The following TRPM1 variants were observed in gnomAD, a reference collection of about 807,000 sequenced individuals.
The protein encoded by TRPM1 is TRPM1-203 APA Isoform, Intron 10.
A neutral mutation model predicts 149.4 loss-of-function variants in TRPM1; 113 were observed. The observed-to-expected ratio is 0.76, with a 90% CI of 0.65 to 0.88. The LOEUF is 0.88. Among genes scored for constraint, TRPM1 ranks in the 40% least tolerant of loss-of-function variants. The pLI, the probability that TRPM1 is intolerant of heterozygous loss-of-function variation, is 0.00. For synonymous variants in TRPM1, 741 were observed against 759.5 expected (o/e 0.98, Z 0.40); for missense variants, 1,976 against 2,038.7 (o/e 0.97, Z 0.59).
Position 31,035,660 on chromosome 15 carries a change from G to A in TRPM1, c.2586C>T (p.Gly862=). The A allele has an allele frequency of 6.2e-7, 1 of 1,614,182 alleles. No individual in the cohort carries two copies. The highest frequency in any genetic ancestry group is 8.5e-7 in the Non-Finnish European group (1 of 1,180,032). Residue 862 remains glycine (G), a synonymous_variant, in exon 21 of 28, where the codon GGC becomes GGT. Transcript: ENST00000256552. ...KFWFYTISYL[G]YLLLFNYVIL... is the part of the protein sequence containing the mutation. ...TGACGTAGTTAAACAGCAGCAGGTA[G>A]CCCAAGTATGATATCTGAAAGAAAG...
chr15:31,060,265 T>C (rs1245231601), intron 11 of TRPM1: 3 of 521,004 alleles, frequency 5.8e-6, no homozygotes, highest in Non-Finnish European at 1.0e-5. Flanking sequence ...TTATTTCTTC[T>C]TCTTTTTCTT....
chr15:31,144,677 A>G (rs1322342606), intron 1 of TRPM1, among the ~76,000 whole-genome samples: 4 of 150,066 alleles, frequency 2.7e-5, no homozygotes, highest in East Asian at 2.0e-4. Flanking sequence ...TAATACACCT[A>G]TTATAAAACT....
chr15:31,054,421 A>T lies in TRPM1; in HGVS notation c.1264-3839T>A, dbSNP rs2034030908. Reference sequence around the variant, plus strand: ...GCAATTCTCCTGCCTCAGCCTCCTAAGTAGCTGGGATTACAGGCATGCAAC... The same window carrying T: ...GCAATTCTCCTGCCTCAGCCTCCTATGTAGCTGGGATTACAGGCATGCAAC... On this transcript the variant is annotated intron_variant, in intron 11 of 27. Coordinates refer to ENST00000256552, the MANE Select transcript of TRPM1 (RefSeq NM_001252024.2). 2.0e-5 allele frequency among the ~76,000 whole-genome samples: 3 copies of T among 151,880 alleles called. No individual in the cohort carries two copies. In the South Asian group the frequency reaches 6.2e-4, roughly 32 times the overall value.
intron 1 of TRPM1, among the ~76,000 whole-genome samples, chr15:31,122,003 T>G (rs116340851): frequency 0.011 from 1,722 of 152,314 alleles, 40 homozygotes; most frequent in African/African-American, 0.04. Flanking sequence ...AAATTAGATT[T>G]ATCCCAGATA....
At position 31,012,768 on chromosome 15, in the gene TRPM1, C is replaced by T. The variant is rs145599901; in HGVS notation, c.3630-9698G>A. 5.8e-3 allele frequency among the ~76,000 whole-genome samples: 888 copies of T among 152,150 alleles called. 8 individuals are homozygous for T. Among genetic ancestry groups the T allele is most frequent in the African/African-American group, 0.02 (838 of 41,488 alleles). ...CTATGTTGTTCTGCTGGATGGTGTT[C>T]TACAGGTTTCAGACTGTTCAATTTC... On this transcript the variant is annotated intron_variant, in intron 27 of 27. Transcript: ENST00000256552.
chr15:31,151,374 C>A (rs1290383272), intron 1 of TRPM1, among the ~76,000 whole-genome samples: 1 of 152,190 alleles, frequency 6.6e-6, no homozygotes, highest in Non-Finnish European at 1.5e-5. Flanking sequence ...GTGTTTTATA[C>A]CCTCCTGGCC....
intron 1 of TRPM1, among the ~76,000 whole-genome samples, chr15:31,095,050 A>G (rs1342366282): frequency 1.3e-5 from 2 of 152,286 alleles, no homozygotes; most frequent in South Asian, 2.1e-4. Flanking sequence ...AAATGAACGA[A>G]GTTCTGAAGC....
chr15:31,040,159 ACATATCGGTCAG>A lies in TRPM1; in HGVS notation c.2263_2274del (p.Leu755_Met758del). ...TTCCGCATCCGCAGTCTTCCCATCC[ACATATCGGTCAG>A]CAGCATCTGGCTGCAGGTGTGAGCA... On this transcript the variant is annotated inframe_deletion, in exon 18 of 28. Transcript: ENST00000256552. The surrounding 1 kb of genome is among the most constrained non-coding windows in gnomAD (Gnocchi z 4.2). The A allele has an allele frequency of 6.2e-7, 1 of 1,614,096 alleles. No individual in the cohort carries two copies.
chr15:31,096,760 C>T (rs1392787681), intron 1 of TRPM1, among the ~76,000 whole-genome samples: 1 of 152,236 alleles, frequency 6.6e-6, no homozygotes, highest in African/African-American at 2.4e-5. Flanking sequence ...CCATCCAGGT[C>T]CCTGCCCTCG....
chr15:31,034,751 C>T (rs2033267595), intron 21 of TRPM1, among the ~76,000 whole-genome samples: 1 of 152,222 alleles, frequency 6.6e-6, no homozygotes, highest in Admixed American at 6.5e-5. Flanking sequence ...TCTCTTTCTC[C>T]CTCTGATCCC....
At chr15:31,055,915 G>T (rs2034070279) in intron 11 of TRPM1, among the ~76,000 whole-genome samples, 1 of 151,894 alleles carries the variant, frequency 6.6e-6, no homozygotes, top group Non-Finnish European at 1.5e-5. Flanking sequence ...AGCTGACCAG[G>T]GAGAAAATAG....
In TRPM1 at chr15:31,067,997, C is replaced by T. The variant is rs1246181889; in HGVS notation, c.375G>A (p.Val125=). ...QLELPKLLIS[V]HGGLQNFEMQ... ...TCTCAAAGTTCTGGAGGCCTCCATG[C>T]ACAGATATTAAGAGCTTGGGGAGTT... The change falls in exon 5 of 28, where the codon GTG becomes GTA. Residue 125 remains valine, a synonymous_variant. Coordinates refer to ENST00000256552, the MANE Select transcript of TRPM1 (RefSeq NM_001252024.2). 4 of 1,614,070 alleles carry T rather than the reference C, an allele frequency of 2.5e-6. No individual in the cohort carries two copies. The highest frequency in any genetic ancestry group is 3.4e-6 in the Non-Finnish European group (4 of 1,180,036).
chr15:31,017,172 G>GGT lies in TRPM1; in HGVS notation c.3629+8966_3629+8967insAC, dbSNP rs534394737. On this transcript the variant is annotated intron_variant, in intron 27 of 27. Transcript: ENST00000256552. ...ACTACAAAAATTAGCCGGACATGGT[G>GGT]GCGTGCGTCTGTAGTCCCAGCTACT... Among the ~76,000 whole-genome samples, 42 of 152,166 alleles carry GGT rather than the reference G, an allele frequency of 2.8e-4. No homozygotes were observed. In the South Asian group the frequency reaches 8.5e-3, roughly 31 times the overall value.
intron 3 of TRPM1, among the ~76,000 whole-genome samples, chr15:31,072,016 T>TAGAGAG (rs1443932287): frequency 1.1e-3 from 35 of 30,674 alleles, no homozygotes; most frequent in South Asian, 2.6e-3. Context: ...TATATATATA[T>TAGAGAG]ATAGAGAGAG....
chr15:31,050,264 T>C, intron 12 of TRPM1, 145 bp downstream of exon 12: 1 of 1,188,862 alleles, frequency 8.4e-7, no homozygotes, highest in Non-Finnish European at 1.2e-6. Context: ...TGTTGTAGTT[T>C]GAAATGCTGA....
chr15:31,030,536 GATGAAATGGGT>G (rs2033019226), intron 23 of TRPM1, among the ~76,000 whole-genome samples: 1 of 152,184 alleles, frequency 6.6e-6, no homozygotes, highest in South Asian at 2.1e-4. Flanking sequence ...TAGTAGTGAA[GATGAAATGGGT>G]ATGAAATGGG....
chr15:31,110,930 T>A (rs2035678962), intron 1 of TRPM1, among the ~76,000 whole-genome samples: 2 of 145,596 alleles, frequency 1.4e-5, no homozygotes, highest in African/African-American at 5.0e-5. Flanking sequence ...TCCCTTCTGC[T>A]TTTTCTGCTC....
intron 1 of TRPM1, among the ~76,000 whole-genome samples, chr15:31,127,394 G>A (rs570817410): frequency 6.6e-6 from 1 of 152,204 alleles, no homozygotes; most frequent in African/African-American, 2.4e-5. Flanking sequence ...CTGAGTTTCC[G>A]CAGAAGGCAG....
At chr15:31,080,075 G>C (rs2034815376) in intron 2 of TRPM1, among the ~76,000 whole-genome samples, 1 of 152,054 alleles carries the variant, frequency 6.6e-6, no homozygotes, top group Non-Finnish European at 1.5e-5. Context: ...GGTCCACACT[G>C]ATATAAATAC....
Sources: gnomAD v4.1 joint callset for allele counts (sites outside exome capture counted in the v4.1 genomes callset) on GRCh38, gnomAD v4.1.1 for gene constraint, Gnocchi (gnomAD v3.1) non-coding constraint, MANE v1.5 for transcripts, NCBI Gene and HGNC (gene_info 2026-07-23, HGNC 2026-07-21) for gene names.